Variants in CSMD1 observed in about 807,000 individuals in gnomAD.
CSMD1 encodes CUB and Sushi multiple domains 1.
CSMD1 carries 213 observed loss-of-function variants against 417.5 expected under a neutral mutation model. The observed-to-expected ratio is 0.51, with a 90% CI of 0.46 to 0.57. The LOEUF (loss-of-function observed/expected upper bound fraction) is 0.57. Ranked by LOEUF, CSMD1 falls within the 20% of genes least tolerant of loss-of-function variation. The pLI is 0.00. For missense variants in CSMD1, 6,923 were observed against 4,529.7 expected (o/e 1.53, Z -15.17); for synonymous variants, 2,862 against 1,736.8 (o/e 1.65, Z -16.11).
At chr8:4,474,778 T>C (rs953745283) in intron 2 of CSMD1, among the ~76,000 whole-genome samples, 1 of 152,176 alleles carries the variant, frequency 6.6e-6, no homozygotes, top group Non-Finnish European at 1.5e-5. Context: ...CTCCCCAGCC[T>C]ACTCAGCATG....
intron 7 of CSMD1, among the ~76,000 whole-genome samples, chr8:3,697,038 C>A (rs1228650124): frequency 6.6e-6 from 1 of 152,120 alleles, no homozygotes; most frequent in African/African-American, 2.4e-5. Context: ...ATTCCTCTTC[C>A]ATTGAGGGCA....
intron 26 of CSMD1, among the ~76,000 whole-genome samples, chr8:3,253,392 G>A (rs528445654): frequency 6.6e-6 from 1 of 152,312 alleles, no homozygotes; most frequent in South Asian, 2.1e-4. Context: ...TGGTCTGAGA[G>A]ACAGTTTGTT....
intron 3 of CSMD1, among the ~76,000 whole-genome samples, chr8:4,144,165 G>A (rs13261303): frequency 0.3 from 45,383 of 150,680 alleles, 8,731 homozygotes; most frequent in Non-Finnish European, 0.4. Context: ...ACAGCTTTGG[G>A]AAGACAGCAC....
intron 10 of CSMD1, among the ~76,000 whole-genome samples, chr8:3,550,363 C>T (rs1031482597): frequency 1.2e-4 from 19 of 152,186 alleles, no homozygotes; most frequent in Non-Finnish European, 1.9e-4. Context: ...GCCTTGACCC[C>T]GCCTGGACCA....
chr8:2,942,825 A>C (rs1801981551), intron 68 of CSMD1, among the ~76,000 whole-genome samples: 1 of 152,234 alleles, frequency 6.6e-6, no homozygotes, highest in African/African-American at 2.4e-5. Flanking sequence ...ATACTATGAA[A>C]GAGTCTCAAC....
Position 3,288,642 on chromosome 8 carries a change from G to A in CSMD1, c.3951-4296C>T, listed in dbSNP as rs535281898. ...TTTGTATTTCTGTGGGATGGGTGGT[G>A]ATATCCCTTTTATCATTTTTTATTG... On this transcript the variant is annotated intron_variant, in intron 25 of 69. Coordinates refer to ENST00000635120, the MANE Select transcript of CSMD1 (RefSeq NM_033225.6). Among the ~76,000 whole-genome samples, 9 of 146,992 alleles carry A rather than the reference G, an allele frequency of 6.1e-5. 3 individuals are homozygous for A. The highest frequency in any genetic ancestry group is 2.4e-4 in the African/African-American group (9 of 36,954).
intron 8 of CSMD1, among the ~76,000 whole-genome samples, chr8:3,607,329 G>C (rs1181153056): frequency 6.6e-6 from 1 of 152,086 alleles, no homozygotes; most frequent in African/African-American, 2.4e-5. Flanking sequence ...CCTTCTTCTG[G>C]ATACCACCTG....
chr8:4,442,901 TTA>T (rs767719725), intron 2 of CSMD1, among the ~76,000 whole-genome samples: 9 of 152,324 alleles, frequency 5.9e-5, no homozygotes, highest in East Asian at 1.9e-4. Context: ...GAACAGATGT[TTA>T]TGTTTATATA....
intron 30 of CSMD1, among the ~76,000 whole-genome samples, chr8:3,208,427 C>G (rs921330381): frequency 6.6e-6 from 1 of 152,082 alleles, no homozygotes; most frequent in African/African-American, 2.4e-5. Flanking sequence ...CCACCACACA[C>G]AGCTAATTTT....
At chr8:4,354,562 A>G (rs1302529739) in intron 3 of CSMD1, among the ~76,000 whole-genome samples, 1 of 152,176 alleles carries the variant, frequency 6.6e-6, no homozygotes, top group Non-Finnish European at 1.5e-5. Context: ...AGCACTAAAC[A>G]TAGATGGCAG....
intron 3 of CSMD1, among the ~76,000 whole-genome samples, chr8:4,217,830 C>G (rs1800775791): frequency 6.6e-6 from 1 of 152,048 alleles, no homozygotes; most frequent in East Asian, 1.9e-4. Context: ...AAGTAAGATT[C>G]AAATGCAAAA....
At chr8:3,201,243 A>C (rs1212984874) in intron 32 of CSMD1, among the ~76,000 whole-genome samples, 1 of 152,204 alleles carries the variant, frequency 6.6e-6, no homozygotes, top group African/African-American at 2.4e-5. Context: ...ACAGGCTTAG[A>C]ATGCTTTAGA....
intron 3 of CSMD1, among the ~76,000 whole-genome samples, chr8:4,152,888 C>T (rs1245828436): frequency 6.6e-6 from 1 of 152,102 alleles, no homozygotes; most frequent in Non-Finnish European, 1.5e-5. Flanking sequence ...TCAAATTAGA[C>T]TTAAGATTTT....
chr8:4,294,645 T>C (rs1314769465), intron 3 of CSMD1, among the ~76,000 whole-genome samples: 1 of 152,162 alleles, frequency 6.6e-6, no homozygotes, highest in Non-Finnish European at 1.5e-5. Flanking sequence ...TAGAAAGTTA[T>C]ATTCATGTTT....
At chr8:4,054,037 G>C (rs1473828184) in intron 3 of CSMD1, among the ~76,000 whole-genome samples, 2 of 152,124 alleles carry the variant, frequency 1.3e-5, no homozygotes, top group Non-Finnish European at 2.9e-5. Context: ...GCTTTGCTTA[G>C]GAAGTTCACT....
At chr8:3,226,871 A>C (rs1479110117) in intron 27 of CSMD1, among the ~76,000 whole-genome samples, 1 of 152,160 alleles carries the variant, frequency 6.6e-6, no homozygotes, top group Non-Finnish European at 1.5e-5. Context: ...CTAATAATAA[A>C]AAGTAAAAAA....
intron 5 of CSMD1, among the ~76,000 whole-genome samples, chr8:3,902,453 T>C (rs1421925957): frequency 7.2e-6 from 1 of 138,132 alleles, no homozygotes; most frequent in Non-Finnish European, 1.5e-5. Context: ...ATGAAAGACA[T>C]TTTTTTTTCC....
intron 1 of CSMD1, among the ~76,000 whole-genome samples, chr8:4,904,187 G>A (rs1375256581): frequency 1.3e-5 from 2 of 151,968 alleles, no homozygotes; most frequent in African/African-American, 4.8e-5. Context: ...TCTGAACTCT[G>A]GTCATAACAT....
chr8:4,659,618 T>C (rs561619999), intron 1 of CSMD1, among the ~76,000 whole-genome samples: 4 of 152,200 alleles, frequency 2.6e-5, no homozygotes, highest in African/African-American at 9.6e-5. Flanking sequence ...AGATTGGTGA[T>C]TGCCAGAGTC....
Sources: gnomAD v4.1 joint callset for allele counts (sites outside exome capture counted in the v4.1 genomes callset) on GRCh38, gnomAD v4.1.1 for gene constraint, MANE v1.5 for transcripts, NCBI Gene and HGNC (gene_info 2026-07-23, HGNC 2026-07-21) for gene names.